Variants in HNF4A observed in about 807,000 individuals in gnomAD.
HNF4A encodes the protein hepatocyte nuclear factor 4 alpha.
Under a neutral mutation model 52.4 loss-of-function variants are expected in HNF4A, and 15 were observed. The ratio of observed to expected loss-of-function variants is 0.29; its 90% CI spans 0.19 to 0.44. HNF4A has a LOEUF of 0.44. Ranked by LOEUF, HNF4A falls within the 20% of genes least tolerant of loss-of-function variation. The pLI, the probability that HNF4A is intolerant of heterozygous loss-of-function variation, is 1.00. For missense variants in HNF4A, 479 were observed against 647.2 expected, an observed-to-expected ratio of 0.74 and a Z score of 2.82; for synonymous variants, 280 against 264.4, an observed-to-expected ratio of 1.06 and a Z score of -0.57.
exon 1 of HNF4A, chr20:44,355,714 C>G (rs2062849437): frequency 8.5e-7 from 1 of 1,179,560 alleles, no homozygotes; most frequent in South Asian, 1.2e-5. Flanking sequence ...CACCGCCTTC[C>G]TGGTGGACGG....
At chr20:44,405,919 C>A in intron 1 of HNF4A, 139 bp from the exon 2 acceptor site, 1 of 816,766 alleles carries the variant, frequency 1.2e-6, no homozygotes, top group Non-Finnish European at 2.1e-6. Context: ...CAGGAGGTCA[C>A]TGAGTGGGGA....
intron 1 of HNF4A, among the ~76,000 whole-genome samples, chr20:44,392,852 C>G (rs1289017171): frequency 6.6e-6 from 1 of 152,204 alleles, no homozygotes; most frequent in African/African-American, 2.4e-5. Context: ...AAAAGGCACC[C>G]CACTCTGGGC....
intron 7 of HNF4A, among the ~76,000 whole-genome samples, chr20:44,420,667 G>A (rs1022677781): frequency 1.3e-5 from 2 of 151,824 alleles, no homozygotes; most frequent in African/African-American, 4.8e-5. Flanking sequence ...TGCAGTCCCA[G>A]CTACTCGGGA....
upstream of HNF4A, among the ~76,000 whole-genome samples, chr20:44,400,747 C>T (rs1362348940): frequency 1.3e-5 from 2 of 152,078 alleles, no homozygotes; most frequent in African/African-American, 2.4e-5. Context: ...AACCGGGAAA[C>T]TGCGGGGGAA....
At chr20:44,386,738 C>G (rs1487703125) in intron 1 of HNF4A, among the ~76,000 whole-genome samples, 2 of 152,186 alleles carry the variant, frequency 1.3e-5, no homozygotes, top group Non-Finnish European at 2.9e-5. Flanking sequence ...GTCCCCACGA[C>G]AAAGAATTCT....
chr20:44,429,083 G>C (rs1022478993), intron 9 of HNF4A, among the ~76,000 whole-genome samples: 15 of 152,198 alleles, frequency 9.9e-5, no homozygotes, highest in Admixed American at 4.6e-4. Flanking sequence ...AGGCCAATTA[G>C]TTTCTATTAC....
At chr20:44,369,118 G>A (rs908292927) in intron 1 of HNF4A, among the ~76,000 whole-genome samples, 19 of 151,508 alleles carry the variant, frequency 1.3e-4, no homozygotes, top group East Asian at 3.9e-4. Context: ...GCATAGTGGC[G>A]GGCACCTGTA....
intron 1 of HNF4A, among the ~76,000 whole-genome samples, chr20:44,387,105 T>A (rs1056981247): frequency 6.6e-6 from 1 of 151,334 alleles, no homozygotes; most frequent in Non-Finnish European, 1.5e-5. Flanking sequence ...GAGTTTGAGA[T>A]CAGCCTGGCC....
chr20:44,420,770 A>T (rs1380554872), intron 7 of HNF4A, among the ~76,000 whole-genome samples: 2 of 152,120 alleles, frequency 1.3e-5, no homozygotes, highest in East Asian at 3.9e-4. Context: ...GTGAGATGTG[A>T]TTGCACCACT....
At chr20:44,390,788 C>T in intron 1 of HNF4A, 1 of 637,054 alleles carries the variant, frequency 1.6e-6, no homozygotes, top group Non-Finnish European at 2.8e-6. Context: ...AGGATTTGTA[C>T]CCTCATCCCC....
At chr20:44,412,070 A>G (rs1318383139) in intron 3 of HNF4A, among the ~76,000 whole-genome samples, 40 of 151,452 alleles carry the variant, frequency 2.6e-4, no homozygotes, top group Admixed American at 2.6e-3. Flanking sequence ...AAAAAAAAAG[A>G]AAAAGAATTA....
At position 44,393,807 on chromosome 20, in the gene HNF4A, A is replaced by G. The variant is rs73275396; in HGVS notation, c.50-12251A>G. 5.7e-3 allele frequency among the ~76,000 whole-genome samples: 869 copies of G among 152,296 alleles called. 8 individuals carry two copies. Among genetic ancestry groups the G allele is most frequent in the African/African-American group, 0.02 (818 of 41,574 alleles). ...TACAGGTGAAGAAACTGAGGCTCAG[A>G]GAGGTGGAGAGAGTCAGGGCAGGGC... is the stretch of plus-strand genomic sequence containing the variant. On this transcript the variant is annotated intron_variant, in intron 1 of 9. Coordinates refer to the HNF4A transcript ENST00000316673.
At chr20:44,393,508 C>G (rs1020750219) in intron 1 of HNF4A, among the ~76,000 whole-genome samples, 2 of 152,244 alleles carry the variant, frequency 1.3e-5, no homozygotes, top group African/African-American at 4.8e-5. Flanking sequence ...GGCACAGACT[C>G]TAGAGACAGA....
At chr20:44,417,583 T>C (rs1325296645) in intron 5 of HNF4A, among the ~76,000 whole-genome samples, 1 of 152,086 alleles carries the variant, frequency 6.6e-6, no homozygotes, top group East Asian at 1.9e-4. Flanking sequence ...CCAAACAGAA[T>C]TGCACTTCAG....
At chr20:44,373,206 G>A (rs1193443588) in intron 1 of HNF4A, among the ~76,000 whole-genome samples, 1 of 152,266 alleles carries the variant, frequency 6.6e-6, no homozygotes, top group East Asian at 1.9e-4. Flanking sequence ...CTGGAGTGCA[G>A]TGGCATAGTC....
At chr20:44,412,887 T>C (rs900215186) in intron 3 of HNF4A, among the ~76,000 whole-genome samples, 4 of 152,082 alleles carry the variant, frequency 2.6e-5, no homozygotes, top group African/African-American at 9.7e-5. Context: ...GAGGCTGCGA[T>C]TGCCACCGGC....
rs143418790 is a variant in HNF4A at position 44,358,380 on chromosome 20, C to T, written c.49+2527C>T. ...ATCCCAGCACTTTGGGAGGCTGAGGCGGGCAGATAACTTGAGATTAGGAGT... is the reference window on the plus strand; with the variant it reads ...ATCCCAGCACTTTGGGAGGCTGAGGTGGGCAGATAACTTGAGATTAGGAGT... On this transcript the variant is annotated intron_variant, in intron 1 of 9. Transcript: ENST00000316673. 2.6e-3 allele frequency among the ~76,000 whole-genome samples: 392 copies of T among 152,158 alleles called. 1 individual carries two copies. The highest frequency in any genetic ancestry group is 4.4e-3 in the Non-Finnish European group (297 of 67,998).
At chr20:44,369,776 A>G (rs533518762) in intron 1 of HNF4A, among the ~76,000 whole-genome samples, 1 of 151,932 alleles carries the variant, frequency 6.6e-6, no homozygotes, top group East Asian at 2.0e-4. Context: ...CTGGGATTAC[A>G]GGCGCGTGTC....
At chr20:44,371,802 G>A (rs886665867) in intron 1 of HNF4A, among the ~76,000 whole-genome samples, 2 of 152,018 alleles carry the variant, frequency 1.3e-5, no homozygotes, top group Non-Finnish European at 2.9e-5. Flanking sequence ...CAGCCTGGGC[G>A]ACAGAGCAAG....
Sources: allele counts gnomAD v4.1 joint callset (sites outside exome capture counted in the v4.1 genomes callset), GRCh38; gene constraint gnomAD v4.1.1; transcripts MANE v1.5; gene names NCBI Gene and HGNC (gene_info 2026-07-23, HGNC 2026-07-21).